IL12RB1: variants seen among roughly 807,000 people sequenced by gnomAD.
IL12RB1 encodes the protein interleukin 12 receptor subunit beta 1, also known as interleukin-12 receptor subunit beta-1.
IL12RB1 carries 64 observed loss-of-function variants against 94.4 expected under a neutral mutation model. The ratio of observed to expected loss-of-function variants is 0.68; its 90% confidence interval spans 0.55 to 0.83. The LOEUF is 0.83. Ranked by LOEUF, IL12RB1 falls within the 40% of genes least tolerant of loss-of-function variation. IL12RB1 has a pLI of 0.00. For missense variants in IL12RB1, 814 were observed against 855.6 expected (o/e 0.95, Z 0.61); for synonymous variants, 362 against 355.5 (o/e 1.02, Z -0.21).
chr19:18,078,133 G>T (rs2035619038), intron 4 of IL12RB1, among the ~76,000 whole-genome samples: 2 of 152,236 alleles, frequency 1.3e-5, no homozygotes, highest in South Asian at 4.1e-4. Flanking sequence ...ATATGGCCAG[G>T]AGCAGTGGCT....
At position 18,074,968 on chromosome 19, in the gene IL12RB1, C is replaced by A. The variant is rs17882259; in HGVS notation, c.700+781G>T. Reference sequence around the variant, plus strand: ...TTGGGAGGCTGAGGCAGGACAATGGCGTGAACCCGGGAGGCGGAGCTTGCA... The same window carrying A: ...TTGGGAGGCTGAGGCAGGACAATGGAGTGAACCCGGGAGGCGGAGCTTGCA... On this transcript the variant is annotated intron_variant, in intron 7 of 16. Coordinates refer to ENST00000593993, the MANE Select transcript of IL12RB1 (RefSeq NM_005535.3). Among the ~76,000 whole-genome samples the A allele has an allele frequency of 4.2e-3, 630 of 151,602 alleles. 3 individuals are homozygous for A. The highest frequency in any genetic ancestry group is 0.015 in the African/African-American group (615 of 41,388).
At chr19:18,067,913 C>T (rs1019690667) in intron 11 of IL12RB1, among the ~76,000 whole-genome samples, 1 of 150,702 alleles carries the variant, frequency 6.6e-6, no homozygotes, top group African/African-American at 2.4e-5. Context: ...CCAGGCTGTT[C>T]TTGAACTCCT....
chr19:18,071,958 C>A (rs1029530183), intron 9 of IL12RB1, among the ~76,000 whole-genome samples, 154 bp downstream of exon 9: 1 of 152,152 alleles, frequency 6.6e-6, no homozygotes, highest in Non-Finnish European at 1.5e-5. Context: ...AGCCACCGTG[C>A]CTGGCTGATT....
chr19:18,077,382 A>C, intron 5 of IL12RB1, 134 bp downstream of exon 5: 1 of 719,284 alleles, frequency 1.4e-6, no homozygotes, highest in Non-Finnish European at 2.4e-6. Flanking sequence ...AAAGAAAAAG[A>C]AAAAAACCAC....
chr19:18,059,431 C>T lies in IL12RB1; in HGVS notation c.*177G>A. The T allele has an allele frequency of 1.5e-6, 1 of 661,630 alleles. No individual in the cohort carries two copies. The highest frequency in any genetic ancestry group is 2.7e-5 in the East Asian group (1 of 36,820). 41.0% of individuals were successfully genotyped at this position (661,630 alleles called of 1,614,324 possible). On this transcript the variant is annotated 3_prime_UTR_variant, in exon 17 of 17. Transcript: ENST00000593993. ...CAGGCCCAGCAGGGTGCAGCAGCTT[C>T]CATTTCATGGCAGCATCTAGGGTTC... is the stretch of plus-strand genomic sequence containing the variant.
intron 7 of IL12RB1, 134 bp from the exon 8 acceptor site, chr19:18,073,733 A>G: frequency 2.8e-6 from 2 of 707,406 alleles, no homozygotes; most frequent in Middle Eastern, 2.3e-4. Context: ...GAAAAGAGAA[A>G]AAACTGAAGG....
chr19:18,079,229 G>A (rs1349110187), intron 4 of IL12RB1, among the ~76,000 whole-genome samples: 1 of 151,010 alleles, frequency 6.6e-6, no homozygotes, highest in Non-Finnish European at 1.5e-5. Context: ...TCAGCATCCC[G>A]AGTAGCTGGA....
rs534137851 is a variant in IL12RB1 at position 18,066,492 on chromosome 19, G to T, written c.1483+50C>A. On this transcript the variant is annotated intron_variant, in intron 12 of 16. Transcript: ENST00000593993. The stretch of plus-strand genomic sequence containing the variant: ...GGTCACACAGCAAGAGAGATCACAG[G>T]CCAGGATCCTCCCTTCCTCCCCAAG... The T allele has an allele frequency of 8.2e-6, 11 of 1,341,648 alleles. No individual in the cohort carries two copies. The East Asian group carries it at 2.3e-4, about 28-fold the overall frequency. 83.1% of individuals were successfully genotyped at this position (1,341,648 alleles called of 1,614,324 possible).
At chr19:18,082,937 G>T (rs1346268640) in intron 2 of IL12RB1, among the ~76,000 whole-genome samples, 3 of 152,030 alleles carry the variant, frequency 2.0e-5, no homozygotes, top group Non-Finnish European at 4.4e-5. Flanking sequence ...ACAAAAATTA[G>T]CCGGGTGTGG....
intron 2 of IL12RB1, among the ~76,000 whole-genome samples, chr19:18,082,642 T>C (rs974429085): frequency 2.6e-5 from 4 of 152,238 alleles, no homozygotes; most frequent in Admixed American, 6.5e-5. Context: ...GGGAAGTTAG[T>C]TGAGCTCATA....
At chr19:18,070,369 A>G (rs1326064742) in intron 9 of IL12RB1, among the ~76,000 whole-genome samples, 1 of 152,222 alleles carries the variant, frequency 6.6e-6, no homozygotes, top group African/African-American at 2.4e-5. Context: ...CTGGCTGCCC[A>G]CCACTTGCCT....
chr19:18,087,330 C>G (rs575225976), upstream of IL12RB1, among the ~76,000 whole-genome samples: 28 of 152,074 alleles, frequency 1.8e-4, no homozygotes, highest in African/African-American at 6.3e-4. Context: ...CTGCCTCAGC[C>G]TCCCGAGTAG....
At chr19:18,084,142 T>C (rs1007947592) in intron 1 of IL12RB1, among the ~76,000 whole-genome samples, 5 of 150,410 alleles carry the variant, frequency 3.3e-5, no homozygotes, top group Non-Finnish European at 4.4e-5. Context: ...TATCCATCCA[T>C]GTGTTCATTC....
chr19:18,097,564 C>G (rs185180299), intron 1 of IL12RB1, among the ~76,000 whole-genome samples: 4 of 152,296 alleles, frequency 2.6e-5, no homozygotes, highest in African/African-American at 9.6e-5. Context: ...TGGGGCTGAA[C>G]GATGCTGCCT....
chr19:18,097,719 A>G, intron 1 of IL12RB1: 2 of 1,037,358 alleles, frequency 1.9e-6, no homozygotes, highest in Non-Finnish European at 1.2e-6. Flanking sequence ...GGCCTGGCCA[A>G]TGGCACCTGG....
chr19:18,066,698 C>T lies in IL12RB1; in HGVS notation c.1328-1G>A. ...TGGTGCGGTGTCCCAGCTGCTGAGGCTGCAACCAGTACCATTGTCATAGTC... is the reference window on the plus strand; with the variant it reads ...TGGTGCGGTGTCCCAGCTGCTGAGGTTGCAACCAGTACCATTGTCATAGTC... On this transcript the variant is annotated splice_acceptor_variant, in intron 11 of 16. Transcript: ENST00000593993. LOFTEE classifies it high-confidence loss of function. The T allele has an allele frequency of 6.2e-7, 1 of 1,608,122 alleles. No homozygotes were observed. Among genetic ancestry groups the T allele is most frequent in the Non-Finnish European group, 8.5e-7 (1 of 1,176,130 alleles).
At chr19:18,091,146 G>A (rs1164033266), upstream of IL12RB1, among the ~76,000 whole-genome samples, 1 of 152,204 alleles carries the variant, frequency 6.6e-6, no homozygotes, top group Admixed American at 6.5e-5. Context: ...AAGGTGAAGT[G>A]GTATTTCTCC....
At chr19:18,085,969 A>C (rs1018003292) in intron 1 of IL12RB1, among the ~76,000 whole-genome samples, 11 of 151,390 alleles carry the variant, frequency 7.3e-5, no homozygotes, top group Non-Finnish European at 1.3e-4. Flanking sequence ...TAATCTGAGC[A>C]CTTTGGGAGG....
At chr19:18,062,154 A>T in intron 14 of IL12RB1, 27 bp downstream of exon 14, 1 of 1,445,056 alleles carries the variant, frequency 6.9e-7, no homozygotes, top group Non-Finnish European at 9.7e-7. Flanking sequence ...TACCATCGCT[A>T]TGGTAACGGT....
Sources: gnomAD v4.1 joint callset for allele counts (sites outside exome capture counted in the v4.1 genomes callset) on GRCh38, gnomAD v4.1.1 for gene constraint, MANE v1.5 for transcripts, NCBI Gene and HGNC (gene_info 2026-07-23, HGNC 2026-07-21) for gene names.